Variants in DRC11 observed in about 807,000 individuals in gnomAD.
DRC11 encodes the protein dynein regulatory complex subunit 11.
At chr2:236,445,263 G>A in the DRC11 span, among the ~76,000 whole-genome samples, 9 of 151,968 alleles carry the variant, frequency 5.9e-5, no homozygotes, top group African/African-American at 2.2e-4. This position sits in a 1 kb window ranked among gnomAD's most constrained non-coding sequence, Gnocchi z 4.8. Context: ...GGAACACATC[G>A]ACTGTCATAC....
the DRC11 span, chr2:236,391,936 C>T: frequency 3.7e-5 from 57 of 1,557,836 alleles, no homozygotes; most frequent in East Asian, 2.5e-4. This position sits in a 1 kb window ranked among gnomAD's most constrained non-coding sequence, Gnocchi z 4.5. Context: ...TGACTGAATC[C>T]GCTCCACCGC....
the DRC11 span, among the ~76,000 whole-genome samples, chr2:236,503,111 A>T: frequency 1.3e-5 from 2 of 152,272 alleles, no homozygotes; most frequent in East Asian, 3.8e-4. The surrounding 1 kb of genome is among the most constrained non-coding windows in gnomAD (Gnocchi z 4.9). Context: ...AAAAGTTAAA[A>T]GGCATCTTAT....
At chr2:236,441,185 A>G in the DRC11 span, 1 of 1,109,812 alleles carries the variant, frequency 9.0e-7, no homozygotes, top group Non-Finnish European at 1.3e-6. Flanking sequence ...TATATACCCC[A>G]TTTATTTGCT....
At chr2:236,352,103 G>A in the DRC11 span, among the ~76,000 whole-genome samples, 1 of 152,202 alleles carries the variant, frequency 6.6e-6, no homozygotes, top group Non-Finnish European at 1.5e-5. The surrounding 1 kb of genome is among the most constrained non-coding windows in gnomAD (Gnocchi z 7.0). Flanking sequence ...GATGATAGAG[G>A]AGGAGGTCCG....
the DRC11 span, among the ~76,000 whole-genome samples, chr2:236,362,866 G>C: frequency 6.6e-6 from 1 of 152,176 alleles, no homozygotes; most frequent in African/African-American, 2.4e-5. This position sits in a 1 kb window ranked among gnomAD's most constrained non-coding sequence, Gnocchi z 5.7. Context: ...GCTGCAGTGG[G>C]AGGGACCACG....
chr2:236,387,600 T>A, the DRC11 span, among the ~76,000 whole-genome samples: 11 of 152,204 alleles, frequency 7.2e-5, no homozygotes, highest in Admixed American at 4.6e-4. Flanking sequence ...CACTGATGGG[T>A]CTTGACTCTT....
At chr2:236,381,048 C>T in the DRC11 span, among the ~76,000 whole-genome samples, 2 of 152,140 alleles carry the variant, frequency 1.3e-5, no homozygotes, top group African/African-American at 4.8e-5. This position sits in a 1 kb window ranked among gnomAD's most constrained non-coding sequence, Gnocchi z 5.8. Context: ...TTGAAGCCTA[C>T]CCCCAAGGTG....
At chr2:236,446,567 C>A in the DRC11 span, among the ~76,000 whole-genome samples, 1 of 152,212 alleles carries the variant, frequency 6.6e-6, no homozygotes, top group African/African-American at 2.4e-5. This position sits in a 1 kb window ranked among gnomAD's most constrained non-coding sequence, Gnocchi z 6.2. Flanking sequence ...TCTTTGTTTT[C>A]TCAGGGTCTC....
the DRC11 span, among the ~76,000 whole-genome samples, chr2:236,388,939 C>A: frequency 6.6e-6 from 1 of 152,166 alleles, no homozygotes; most frequent in South Asian, 2.1e-4. Context: ...TGTCAGTATG[C>A]CCCTGCTGGG....
At chr2:236,469,822 T>C in the DRC11 span, among the ~76,000 whole-genome samples, 2 of 152,226 alleles carry the variant, frequency 1.3e-5, no homozygotes, top group African/African-American at 2.4e-5. The surrounding 1 kb of genome is among the most constrained non-coding windows in gnomAD (Gnocchi z 5.8). Context: ...CAGCAACTCA[T>C]TTAAAAATAA....
At chr2:236,395,558 A>G in the DRC11 span, among the ~76,000 whole-genome samples, 7 of 152,330 alleles carry the variant, frequency 4.6e-5, no homozygotes, top group African/African-American at 1.7e-4. Flanking sequence ...TTTGAAGTGA[A>G]TTGCTCTTTT....
At chr2:236,349,883 TAAA>T in the DRC11 span, among the ~76,000 whole-genome samples, 1 of 152,132 alleles carries the variant, frequency 6.6e-6, no homozygotes, top group Non-Finnish European at 1.5e-5. This position sits in a 1 kb window ranked among gnomAD's most constrained non-coding sequence, Gnocchi z 5.5. Flanking sequence ...AAATAAAAGT[TAAA>T]AACAAAAACA....
chr2:236,380,756 G>A, the DRC11 span: 1 of 727,408 alleles, frequency 1.4e-6, no homozygotes, highest in South Asian at 1.6e-5. The surrounding 1 kb of genome is among the most constrained non-coding windows in gnomAD (Gnocchi z 4.9). Context: ...TAATTGTGGT[G>A]GCGTGAACAC....
the DRC11 span, among the ~76,000 whole-genome samples, chr2:236,380,368 T>G: frequency 6.6e-6 from 1 of 152,364 alleles, no homozygotes; most frequent in Middle Eastern, 3.4e-3. This position sits in a 1 kb window ranked among gnomAD's most constrained non-coding sequence, Gnocchi z 4.9. Flanking sequence ...TCAGAAGCCA[T>G]GGGGGTCCAG....
the DRC11 span, among the ~76,000 whole-genome samples, chr2:236,414,754 C>T: frequency 6.6e-5 from 10 of 152,138 alleles, no homozygotes; most frequent in Non-Finnish European, 1.2e-4. Flanking sequence ...TAAGGAACTG[C>T]GAACGTTCAT....
chr2:236,481,365 T>C, the DRC11 span, among the ~76,000 whole-genome samples: 1 of 152,012 alleles, frequency 6.6e-6, no homozygotes, highest in African/African-American at 2.4e-5. Flanking sequence ...TGGGGGAGAT[T>C]TTTTCCACAC....
chr2:236,324,722 G>C, the DRC11 span: 1 of 1,602,514 alleles, frequency 6.2e-7, no homozygotes, highest in South Asian at 1.1e-5. The surrounding 1 kb of genome is among the most constrained non-coding windows in gnomAD (Gnocchi z 5.7). Flanking sequence ...TGCCTTTTCT[G>C]TGCTGCCTCC....
At chr2:236,497,119 A>G in the DRC11 span, 7 of 1,419,138 alleles carry the variant, frequency 4.9e-6, no homozygotes, top group Admixed American at 4.5e-5. The surrounding 1 kb of genome is among the most constrained non-coding windows in gnomAD (Gnocchi z 5.1). Flanking sequence ...TATCTTATTT[A>G]TAACAAAAAA....
chr2:236,500,711 G>C, the DRC11 span, among the ~76,000 whole-genome samples: 1 of 152,122 alleles, frequency 6.6e-6, no homozygotes, highest in African/African-American at 2.4e-5. This position sits in a 1 kb window ranked among gnomAD's most constrained non-coding sequence, Gnocchi z 6.3. Context: ...TTATTTATTT[G>C]TTTATTTTGA....
Sources: gnomAD v4.1 joint callset for allele counts (sites outside exome capture counted in the v4.1 genomes callset) on GRCh38, gnomAD v4.1.1 for gene constraint, Gnocchi (gnomAD v3.1) non-coding constraint, MANE v1.5 for transcripts, NCBI Gene and HGNC (gene_info 2026-07-23, HGNC 2026-07-21) for gene names.